The following EIF5B variants were observed in gnomAD, a reference collection of about 807,000 sequenced individuals.
EIF5B encodes the protein eukaryotic translation initiation factor 5B.
In EIF5B, 47 loss-of-function variants were observed where a neutral mutation model predicts 147.5. That is an observed-to-expected ratio of 0.32 (90% CI 0.25 to 0.41). The LOEUF (loss-of-function observed/expected upper bound fraction) is 0.41. EIF5B is among the 10% of genes least tolerant of loss of function. The probability of loss-of-function intolerance (pLI) is 1.00; values close to 1 mark genes in which losing one functional copy is unlikely to be tolerated. For synonymous variants in EIF5B, 455 were observed against 456.2 expected (o/e 1.00, Z 0.03); for missense variants, 1,064 against 1,413.2 (o/e 0.75, Z 3.96).
chr2:99,357,617 T>C (rs1197035444), intron 1 of EIF5B, among the ~76,000 whole-genome samples: 1 of 152,240 alleles, frequency 6.6e-6, no homozygotes, highest in Non-Finnish European at 1.5e-5. Flanking sequence ...TCCAGAAATA[T>C]AGCTAATCAC....
chr2:99,362,118 A>G (rs1473800492), intron 4 of EIF5B, among the ~76,000 whole-genome samples: 1 of 152,180 alleles, frequency 6.6e-6, no homozygotes, highest in Non-Finnish European at 1.5e-5. Flanking sequence ...CTTAATGAAA[A>G]ATTTATTCTT....
At chr2:99,345,849 G>A (rs2094272251) in intron 1 of EIF5B, among the ~76,000 whole-genome samples, 1 of 151,734 alleles carries the variant, frequency 6.6e-6, no homozygotes, top group Non-Finnish European at 1.5e-5. Flanking sequence ...AGGCTGAGGT[G>A]GGAGGATTGC....
intron 1 of EIF5B, among the ~76,000 whole-genome samples, chr2:99,338,082 C>T (rs1404731949): frequency 6.6e-6 from 1 of 152,202 alleles, no homozygotes; most frequent in Admixed American, 6.5e-5. Flanking sequence ...AGTTCGCTGT[C>T]TCTCAACTTA....
intron 1 of EIF5B, among the ~76,000 whole-genome samples, chr2:99,339,994 C>G (rs1365349735): frequency 6.6e-6 from 1 of 152,042 alleles, no homozygotes; most frequent in East Asian, 1.9e-4. Flanking sequence ...AATTTTAAAA[C>G]ATTTATTTTC....
At chr2:99,394,179 T>C in intron 18 of EIF5B, 88 bp from the exon 19 acceptor site, 1 of 1,504,778 alleles carries the variant, frequency 6.6e-7, no homozygotes, top group Non-Finnish European at 8.9e-7. Flanking sequence ...AGATGAGTAC[T>C]TAACCAAAGA....
chr2:99,397,112 G>A (rs74719849), intron 22 of EIF5B: 3 of 425,144 alleles, frequency 7.1e-6, no homozygotes, highest in Non-Finnish European at 1.2e-5. Flanking sequence ...ACCTTCTGTT[G>A]TGCTTCAGTA....
chr2:99,361,198 A>G lies in EIF5B; in HGVS notation c.297A>G (p.Lys99=), dbSNP rs1345825759. The G allele has an allele frequency of 1.9e-6, 3 of 1,563,134 alleles. No individual in the cohort carries two copies. The African/African-American group carries it at 4.2e-5, about 22-fold the overall frequency. Residue 99 remains lysine (K), a synonymous_variant, in exon 4 of 24, where the codon AAA becomes AAG. Coordinates refer to ENST00000289371, the MANE Select transcript of EIF5B (RefSeq NM_015904.4). ...TCACCTCAAAAGATAAAAAAAAGAA[A>G]GGACAGAAGGGCAAAAAACAGAGTT... ...EEFTSKDKKK[K]GQKGKKQSFD...
chr2:99,389,880 C>A, intron 15 of EIF5B, 31 bp downstream of exon 15: 1 of 1,585,052 alleles, frequency 6.3e-7, no homozygotes, highest in South Asian at 1.2e-5. Flanking sequence ...TCTGAAGAGC[C>A]TATCTCAGAA....
In EIF5B at chr2:99,372,408, G is replaced by A. The variant is rs139550035; in HGVS notation, c.1552+678G>A. Among the ~76,000 whole-genome samples the A allele has an allele frequency of 3.4e-3, 510 of 152,094 alleles. 3 individuals are homozygous for A. The highest frequency in any genetic ancestry group is 0.012 in the African/African-American group (489 of 41,508). On this transcript the variant is annotated intron_variant, in intron 9 of 23. Coordinates refer to ENST00000289371, the MANE Select transcript of EIF5B (RefSeq NM_015904.4). ...GGCTGGAGTGCAGTGGCGCAATCTC[G>A]GCTCACAACAACCTCCACCTCCCGG...
At chr2:99,340,456 A>T (rs1227587769) in intron 1 of EIF5B, among the ~76,000 whole-genome samples, 5 of 152,180 alleles carry the variant, frequency 3.3e-5, no homozygotes, top group Non-Finnish European at 7.3e-5. Context: ...TATGTCAGGC[A>T]TGTTTCTGGC....
chr2:99,364,226 TCA>T (rs752076409), intron 5 of EIF5B, 43 bp from the exon 6 acceptor site: 1 of 1,524,706 alleles, frequency 6.6e-7, no homozygotes, highest in African/African-American at 1.4e-5. Flanking sequence ...ATTTTATAGT[TCA>T]TTAAATGAAT....
At chr2:99,378,995 A>ATTT in intron 10 of EIF5B, 24 bp from the exon 11 acceptor site, 5 of 1,271,904 alleles carry the variant, frequency 3.9e-6, no homozygotes, top group South Asian at 3.3e-5. Flanking sequence ...TTAATTTTTG[A>ATTT]TTTTTTTTTT....
intron 1 of EIF5B, among the ~76,000 whole-genome samples, chr2:99,350,139 A>G (rs1673899983): frequency 6.6e-6 from 1 of 152,138 alleles, no homozygotes; most frequent in South Asian, 2.1e-4. Context: ...TTTTTTATGG[A>G]TGAATAGTAT....
chr2:99,338,909 A>G (rs1340340954), intron 1 of EIF5B, among the ~76,000 whole-genome samples: 1 of 127,704 alleles, frequency 7.8e-6, no homozygotes, highest in Admixed American at 9.1e-5. Flanking sequence ...CATCCCACCT[A>G]CTAGAAGTGT....
rs201360968 is a variant in EIF5B, at chr2:99,396,716, A to T, written c.3255-44A>T. On this transcript the variant is annotated intron_variant, in intron 21 of 23. Transcript: ENST00000289371. The stretch of plus-strand genomic sequence containing the variant: ...AGCTGCAGTTTTTCTTTTTATGTTT[A>T]AGTGATTCTGTAAGCTTAAAATTCT... 8.6e-4 allele frequency: 1,329 copies of T among 1,554,322 alleles called. 12 individuals carry two copies. The highest frequency in any genetic ancestry group is 4.3e-4 in the Non-Finnish European group (493 of 1,157,022).
intron 22 of EIF5B, 34 bp from the exon 23 acceptor site, chr2:99,398,714 T>G: frequency 6.3e-7 from 1 of 1,585,896 alleles, no homozygotes; most frequent in Non-Finnish European, 8.6e-7. Context: ...CATGAATTCT[T>G]CTGCATGCAT....
At chr2:99,368,757 A>C (rs1674378760) in intron 7 of EIF5B, among the ~76,000 whole-genome samples, 166 bp downstream of exon 7, 1 of 152,238 alleles carries the variant, frequency 6.6e-6, no homozygotes, top group Non-Finnish European at 1.5e-5. Context: ...ACTTGATTCA[A>C]ATGACAAGCT....
chr2:99,339,376 ATC>A (rs2094253808), intron 1 of EIF5B, among the ~76,000 whole-genome samples: 1 of 152,104 alleles, frequency 6.6e-6, no homozygotes, highest in African/African-American at 2.4e-5. Flanking sequence ...CACCAAGTAT[ATC>A]TGTAAGAAAT....
chr2:99,371,357 G>A lies in EIF5B; in HGVS notation c.1478-299G>A, dbSNP rs562816211. Among the ~76,000 whole-genome samples the A allele has an allele frequency of 2.2e-4, 34 of 151,976 alleles. 1 individual carries two copies. The South Asian group carries it at 5.0e-3, about 22-fold the overall frequency. On this transcript the variant is annotated intron_variant, in intron 8 of 23. Transcript: ENST00000289371. ...CAAAAAATTAGCTGGCCACGGTGGC[G>A]GGCATCTGTAGTCCCAGCTACTTGG...
Sources: allele counts gnomAD v4.1 joint callset (sites outside exome capture counted in the v4.1 genomes callset), GRCh38; gene constraint gnomAD v4.1.1; transcripts MANE v1.5; gene names NCBI Gene and HGNC (gene_info 2026-07-23, HGNC 2026-07-21).